SPAG9: variants seen among roughly 807,000 people sequenced by gnomAD.
The protein encoded by SPAG9 is C-Jun-amino-terminal kinase-interacting protein 4.
SPAG9 carries 35 observed loss-of-function variants against 166.5 expected under a neutral mutation model. That is an observed-to-expected ratio of 0.21 (90% CI 0.16 to 0.28). SPAG9 has a LOEUF of 0.28. Ranked by LOEUF, SPAG9 falls within the 10% of genes least tolerant of loss-of-function variation. The pLI is 1.00. For missense variants in SPAG9, 1,235 were observed against 1,603.3 expected, an observed-to-expected ratio of 0.77 and a Z score of 3.92; for synonymous variants, 534 against 565.5, an observed-to-expected ratio of 0.94 and a Z score of 0.79.
At chr17:51,005,053 ACCAT>A (rs2045143361) in intron 12 of SPAG9, among the ~76,000 whole-genome samples, 155 bp downstream of exon 12, 1 of 152,220 alleles carries the variant, frequency 6.6e-6, no homozygotes, top group South Asian at 2.1e-4. Context: ...GCATCTGGAT[ACCAT>A]GCAGAAGCAT....
intron 1 of SPAG9, among the ~76,000 whole-genome samples, chr17:51,091,536 C>T (rs1199870974): frequency 6.6e-6 from 1 of 151,896 alleles, no homozygotes; most frequent in Non-Finnish European, 1.5e-5. Flanking sequence ...ACCACATTAG[C>T]CCTGGAAATT....
chr17:51,077,069 G>GCTAGCTAGCTATCTAGCTAGCTAT (rs2048026662), intron 2 of SPAG9, among the ~76,000 whole-genome samples: 3 of 120,892 alleles, frequency 2.5e-5, no homozygotes, highest in Admixed American at 1.6e-4. Flanking sequence ...TATCTAGCTA[G>GCTAGCTAGCTATCTAGCTAGCTAT]CTATCTAGCT....
At chr17:51,076,997 GCTAT>G (rs138187421) in intron 2 of SPAG9, among the ~76,000 whole-genome samples, 5,052 of 96,220 alleles carry the variant, frequency 0.053, 310 homozygotes, top group African/African-American at 0.15. Context: ...TAGCTATCTA[GCTAT>G]CTAGCTAGCT....
intron 24 of SPAG9, among the ~76,000 whole-genome samples, chr17:50,984,692 T>C (rs1212683099): frequency 6.6e-6 from 1 of 151,886 alleles, no homozygotes; most frequent in Non-Finnish European, 1.5e-5. Context: ...TCTCAAAAAA[T>C]AAAATAAAAT....
chr17:51,073,845 GTAAT>G, intron 2 of SPAG9, among the ~76,000 whole-genome samples: 1 of 152,366 alleles, frequency 6.6e-6, no homozygotes, highest in Admixed American at 6.5e-5. Flanking sequence ...GCTCACGCCT[GTAAT>G]CCCAACACTT....
rs34010166 is a variant in SPAG9 at position 51,061,612 on chromosome 17, C to CAAAAAAAAAAA, written c.425-5141_425-5131dup. On this transcript the variant is annotated intron_variant, in intron 2 of 29. Coordinates refer to ENST00000262013, the MANE Select transcript of SPAG9 (RefSeq NM_001130528.3). ...GCAACAAGAGCGAAAGCTCTGTCTC[C>CAAAAAAAAAAA]AAAAAAAAAAAAAAAAAAAAAAAAA... 1.2e-3 allele frequency among the ~76,000 whole-genome samples: 37 copies of CAAAAAAAAAAA among 31,726 alleles called. 1 individual carries two copies. Among genetic ancestry groups the CAAAAAAAAAAA allele is most frequent in the African/African-American group, 3.8e-3 (37 of 9,616 alleles). The allele number at this position is 31,726 out of a possible 152,430, so 20.8% of individuals were successfully genotyped here.
chr17:51,038,244 C>T (rs1393013156), intron 5 of SPAG9, among the ~76,000 whole-genome samples: 9 of 152,220 alleles, frequency 5.9e-5, no homozygotes, highest in South Asian at 2.1e-4. Context: ...AATTTGTGAG[C>T]ACTGATGCAT....
chr17:51,075,838 A>C (rs2144615713), intron 2 of SPAG9, among the ~76,000 whole-genome samples: 1 of 151,826 alleles, frequency 6.6e-6, no homozygotes, highest in South Asian at 2.1e-4. Context: ...AAAAAAAGAA[A>C]AAGATCCAGC....
At chr17:50,976,026 A>G in intron 27 of SPAG9, 1 of 714,558 alleles carries the variant, frequency 1.4e-6, no homozygotes, top group Non-Finnish European at 2.5e-6. Context: ...CCTAACGAAA[A>G]TAACAAGATC....
chr17:51,020,609 T>C (rs1001163710), intron 7 of SPAG9, among the ~76,000 whole-genome samples: 3 of 152,332 alleles, frequency 2.0e-5, no homozygotes, highest in South Asian at 2.1e-4. Flanking sequence ...TCCCGTCTTT[T>C]GGGTTCTGTG....
chr17:51,051,963 TGC>T (rs1190676370), intron 3 of SPAG9, among the ~76,000 whole-genome samples: 2 of 152,106 alleles, frequency 1.3e-5, no homozygotes, highest in South Asian at 4.1e-4. Context: ...TGGGCCCGAG[TGC>T]TTCAAAATTG....
At chr17:51,044,387 C>T (rs1350606926) in intron 4 of SPAG9, among the ~76,000 whole-genome samples, 1 of 152,138 alleles carries the variant, frequency 6.6e-6, no homozygotes, top group Non-Finnish European at 1.5e-5. Context: ...GTCTAGAAAA[C>T]GAAGCTATCA....
chr17:51,099,707 T>C (rs139447731), intron 1 of SPAG9, among the ~76,000 whole-genome samples: 138 of 144,106 alleles, frequency 9.6e-4, no homozygotes, highest in African/African-American at 3.4e-3. Flanking sequence ...ATCCTGACAC[T>C]GTGGTTTTTG....
intron 6 of SPAG9, among the ~76,000 whole-genome samples, chr17:51,022,015 T>C (rs2045957469): frequency 2.7e-5 from 4 of 148,988 alleles, no homozygotes; most frequent in Non-Finnish European, 4.4e-5. Context: ...CCCAGCTACT[T>C]GGGAGGCTGA....
intron 9 of SPAG9, among the ~76,000 whole-genome samples, chr17:51,011,201 C>CTACA (rs2045469471): frequency 1.3e-5 from 2 of 151,990 alleles, no homozygotes; most frequent in South Asian, 4.2e-4. Flanking sequence ...TGGTGCATGC[C>CTACA]TGTAGTCCCA....
At chr17:50,967,985 CAT>C (rs1161235864) in intron 29 of SPAG9, among the ~76,000 whole-genome samples, 3 of 152,180 alleles carry the variant, frequency 2.0e-5, no homozygotes, top group South Asian at 2.1e-4. Context: ...GGAAAAACCA[CAT>C]AGAGATTTTA....
intron 25 of SPAG9, among the ~76,000 whole-genome samples, chr17:50,980,632 C>T (rs971610305): frequency 1.3e-5 from 2 of 151,838 alleles, no homozygotes; most frequent in African/African-American, 2.4e-5. Context: ...CTTTGGAAGG[C>T]CGAGGTGGGA....
At position 50,993,763 on chromosome 17, in the gene SPAG9, C is replaced by T; in HGVS notation, c.2398+1G>A. ...CAGAGAAACGCATGACTCACTCTTACCTGGCACACTTGCAATGCACAGAAC... is the reference window on the plus strand; with the variant it reads ...CAGAGAAACGCATGACTCACTCTTATCTGGCACACTTGCAATGCACAGAAC... On this transcript the variant is annotated splice_donor_variant, in intron 19 of 29. Transcript: ENST00000262013. LOFTEE classifies it high-confidence loss of function. 6.2e-7 allele frequency: 1 copy of T among 1,613,742 alleles called. No homozygotes were observed. The highest frequency in any genetic ancestry group is 8.5e-7 in the Non-Finnish European group (1 of 1,179,754).
At chr17:51,109,700 A>G (rs998650241) in intron 1 of SPAG9, among the ~76,000 whole-genome samples, 3 of 152,032 alleles carry the variant, frequency 2.0e-5, no homozygotes, top group Non-Finnish European at 2.9e-5. Context: ...ATGATATTAC[A>G]AAGGTTCTTT....
Sources: allele counts gnomAD v4.1 joint callset (sites outside exome capture counted in the v4.1 genomes callset), GRCh38; gene constraint gnomAD v4.1.1; transcripts MANE v1.5; gene names NCBI Gene and HGNC (gene_info 2026-07-23, HGNC 2026-07-21).